CD109: variants seen among roughly 807,000 people sequenced by gnomAD.
CD109 encodes the protein CD109 antigen.
Under a neutral mutation model 165.8 loss-of-function variants are expected in CD109, and 149 were observed. The ratio of observed to expected loss-of-function variants is 0.90; its 90% CI spans 0.79 to 1.03. The LOEUF is 1.03. Ranked by LOEUF, CD109 falls within the 50% of genes least tolerant of loss-of-function variation. CD109 has a pLI of 0.00. For missense variants in CD109, 1,712 were observed against 1,677.8 expected, an observed-to-expected ratio of 1.02 and a Z score of -0.36; for synonymous variants, 585 against 592.1, an observed-to-expected ratio of 0.99 and a Z score of 0.18.
intron 6 of CD109, 28 bp downstream of exon 6, chr6:73,756,710 GA>G (rs1275607900): frequency 6.9e-7 from 1 of 1,441,612 alleles, no homozygotes; most frequent in Non-Finnish European, 9.4e-7. Context: ...TATTTTGGAA[GA>G]AAAAAACATT....
intron 2 of CD109, among the ~76,000 whole-genome samples, chr6:73,715,841 G>A (rs911363890): frequency 6.6e-6 from 1 of 152,064 alleles, no homozygotes; most frequent in Non-Finnish European, 1.5e-5. Flanking sequence ...TCCTCCTGTT[G>A]TGCTATCAAA....
intron 23 of CD109, among the ~76,000 whole-genome samples, chr6:73,798,111 T>TA (rs376120439): frequency 0.057 from 1,658 of 29,012 alleles, 8 homozygotes; most frequent in Non-Finnish European, 0.073. Context: ...CAGTGTCCTG[T>TA]TTTTTTTTTT....
intron 23 of CD109, 128 bp downstream of exon 23, chr6:73,792,930 G>A (rs1775028463): frequency 1.5e-6 from 1 of 656,454 alleles, no homozygotes; most frequent in South Asian, 2.0e-5. Context: ...ACACGGTGTT[G>A]ACATGTGCAG....
At chr6:73,801,070 G>T (rs1775344700) in intron 23 of CD109, among the ~76,000 whole-genome samples, 1 of 152,166 alleles carries the variant, frequency 6.6e-6, no homozygotes, top group Non-Finnish European at 1.5e-5. Flanking sequence ...TGTTTGTTGA[G>T]AGCTTTCCAT....
chr6:73,743,962 C>T (rs1772883649), intron 5 of CD109, among the ~76,000 whole-genome samples: 2 of 152,192 alleles, frequency 1.3e-5, no homozygotes, highest in Admixed American at 1.3e-4. Flanking sequence ...CTTTCTCCTC[C>T]ATTCTTCCAA....
rs1456802073 is a variant in CD109 at position 73,827,551 on chromosome 6, T to G, written c.*3918T>G. On this transcript the variant is annotated 3_prime_UTR_variant, in exon 33 of 33. Transcript: ENST00000287097. The stretch of plus-strand genomic sequence containing the variant: ...CAATTATTTTTATTACTACTTTGAA[T>G]AGAGGACCATTATCCTTCTTTCTTC... 1 of 152,202 alleles carries G rather than the reference T, an allele frequency of 6.6e-6. No homozygotes were observed. Among genetic ancestry groups the G allele is most frequent in the African/African-American group, 2.4e-5 (1 of 41,460 alleles). 9.4% of individuals were successfully genotyped at this position (152,202 alleles called of 1,614,324 possible). A position where few individuals can be genotyped will look rare whatever the true frequency, so the allele number is the denominator to read the frequency against.
intron 24 of CD109, 152 bp downstream of exon 24, chr6:73,803,453 T>C: frequency 1.7e-6 from 1 of 586,122 alleles, no homozygotes; most frequent in Non-Finnish European, 3.0e-6. Context: ...ATTTTCTTTT[T>C]AAAGTATTAT....
chr6:73,813,825 C>T (rs1365638401), intron 29 of CD109, among the ~76,000 whole-genome samples: 1 of 152,016 alleles, frequency 6.6e-6, no homozygotes, highest in Non-Finnish European at 1.5e-5. Context: ...ACAGAGTAGT[C>T]CTTGTTTGTT....
At chr6:73,718,583 T>A (rs74491189) in intron 2 of CD109, among the ~76,000 whole-genome samples, 3 of 151,992 alleles carry the variant, frequency 2.0e-5, no homozygotes, top group African/African-American at 7.2e-5. Context: ...TTTTTTTTTT[T>A]ATATTCAGAG....
intron 2 of CD109, among the ~76,000 whole-genome samples, chr6:73,716,190 T>C (rs1267033764): frequency 1.3e-5 from 2 of 152,258 alleles, no homozygotes; most frequent in Non-Finnish European, 2.9e-5. Flanking sequence ...TGATGGACAC[T>C]TAGGTTGCTT....
rs386407559 is a variant in CD109, at chr6:73,725,504, C to CT, written c.276+2246dup. On this transcript the variant is annotated intron_variant, in intron 3 of 32. Transcript: ENST00000287097. ...AACTAGAAATTTGTCTACTACACTT[C>CT]TTTTTTTTTTTTTTTTTTTTTGAGA... 8.2e-4 allele frequency among the ~76,000 whole-genome samples: 73 copies of CT among 89,424 alleles called. 2 individuals are homozygous for CT. Among genetic ancestry groups the CT allele is most frequent in the South Asian group, 2.7e-3 (8 of 2,994 alleles). 58.7% of individuals were successfully genotyped at this position (89,424 alleles called of 152,430 possible).
Position 73,736,429 on chromosome 6 carries a change from A to G in CD109, c.554A>G (p.Asp185Gly). ...LIQQWLSQQS[D>G]LGVISKTFQL... is the part of the protein sequence containing the mutation. The stretch of plus-strand genomic sequence containing the variant: ...CAACAGTGGTTGTCACAACAAAGTG[A>G]TCTTGGAGTCATTTCCAAAACTTTT... The change falls in exon 5 of 33, where the codon GAT becomes GGT. Residue 185 changes from aspartate (D) to glycine (G), a missense_variant. By Grantham distance (94) the Asp-to-Gly change is moderately conservative. Transcript: ENST00000287097. 6.2e-7 allele frequency: 1 copy of G among 1,613,978 alleles called. No homozygotes were observed. Among genetic ancestry groups the G allele is most frequent in the South Asian group, 1.1e-5 (1 of 91,074 alleles).
In CD109 at chr6:73,790,177, C is replaced by T. The variant is rs150805678; in HGVS notation, c.2701+1565C>T. On this transcript the variant is annotated intron_variant, in intron 22 of 32. Coordinates refer to ENST00000287097, the MANE Select transcript of CD109 (RefSeq NM_133493.5). ...TGGTGTGATCTCGGTTTACTGCAACCACCGCCTACTGGGTTTAAGCAGTTC... is the reference window on the plus strand; with the variant it reads ...TGGTGTGATCTCGGTTTACTGCAACTACCGCCTACTGGGTTTAAGCAGTTC... 6.9e-3 allele frequency among the ~76,000 whole-genome samples: 1,018 copies of T among 148,324 alleles called. 5 individuals are homozygous for T. Among genetic ancestry groups the T allele is most frequent in the Admixed American group, 0.013 (197 of 14,764 alleles).
At chr6:73,764,874 G>C (rs969372264) in intron 10 of CD109, among the ~76,000 whole-genome samples, 1 of 151,314 alleles carries the variant, frequency 6.6e-6, no homozygotes, top group Non-Finnish European at 1.5e-5. Context: ...GTCACTTGTT[G>C]AATGGGTCGG....
intron 5 of CD109, among the ~76,000 whole-genome samples, chr6:73,748,014 C>T (rs912399711): frequency 6.6e-6 from 1 of 151,926 alleles, no homozygotes; most frequent in African/African-American, 2.4e-5. Context: ...GGAGTACAGG[C>T]GTGTGCCACC....
At chr6:73,740,533 G>GT (rs1260460778) in intron 5 of CD109, among the ~76,000 whole-genome samples, 2 of 150,448 alleles carry the variant, frequency 1.3e-5, no homozygotes, top group Non-Finnish European at 3.0e-5. Context: ...CACCTTCAAG[G>GT]TTTTTTATGA....
At position 73,823,712 on chromosome 6, in the gene CD109, T is replaced by C. The variant is rs951308296; in HGVS notation, c.*79T>C. 1 of 1,343,780 alleles carries C rather than the reference T, an allele frequency of 7.4e-7. No homozygotes were observed. The highest frequency in any genetic ancestry group is 1.0e-6 in the Non-Finnish European group (1 of 982,186). The allele number at this position is 1,343,780 out of a possible 1,614,324, so 83.2% of individuals were successfully genotyped here. ...TTGTTTTGTTTTCGTAGAAGAATAC[T>C]GCTTCTATTTTGAAAAAAGAGTTTT... On this transcript the variant is annotated 3_prime_UTR_variant, in exon 33 of 33. Transcript: ENST00000287097.
chr6:73,710,385 G>A (rs558877800), intron 2 of CD109, among the ~76,000 whole-genome samples: 1 of 152,200 alleles, frequency 6.6e-6, no homozygotes, highest in African/African-American at 2.4e-5. Flanking sequence ...CAACTTACAA[G>A]GGATGTGAAG....
intron 2 of CD109, among the ~76,000 whole-genome samples, chr6:73,707,967 TA>T (rs1771352887): frequency 8.6e-3 from 17 of 1,988 alleles, no homozygotes; most frequent in East Asian, 0.027. Context: ...TATCTTTATA[TA>T]TATATATATA....
Sources: gnomAD v4.1 joint callset for allele counts (sites outside exome capture counted in the v4.1 genomes callset) on GRCh38, gnomAD v4.1.1 for gene constraint, MANE v1.5 for transcripts, NCBI Gene and HGNC (gene_info 2026-07-23, HGNC 2026-07-21) for gene names.